Variants in PDE10A observed in about 807,000 individuals in gnomAD.
The protein encoded by PDE10A is cAMP and cAMP-inhibited cGMP 3',5'-cyclic phosphodiesterase 10A.
In PDE10A, 39 loss-of-function variants were observed where a neutral mutation model predicts 97.7. The observed-to-expected ratio is 0.40, with a 90% CI of 0.31 to 0.52. The LOEUF (loss-of-function observed/expected upper bound fraction) is 0.52, where lower values mean the gene tolerates loss of function less well. PDE10A is among the 20% of genes least tolerant of loss of function. The probability of loss-of-function intolerance (pLI) is 0.56; values close to 1 mark genes in which losing one functional copy is unlikely to be tolerated. For synonymous variants in PDE10A, 371 were observed against 376.8 expected, an observed-to-expected ratio of 0.98 and a Z score of 0.18; for missense variants, 731 against 1,047.8, an observed-to-expected ratio of 0.70 and a Z score of 4.17.
intron 1 of PDE10A, among the ~76,000 whole-genome samples, chr6:165,832,795 T>C (rs933619984): frequency 6.6e-6 from 1 of 152,246 alleles, no homozygotes; most frequent in African/African-American, 2.4e-5. Context: ...CAGAGTTTAA[T>C]TGGCAGAATG....
intron 17 of PDE10A, among the ~76,000 whole-genome samples, 181 bp from the exon 18 acceptor site, chr6:165,379,547 T>C (rs970373500): frequency 5.6e-4 from 85 of 152,326 alleles, no homozygotes; most frequent in African/African-American, 1.9e-3. Context: ...TGCGTTTTGG[T>C]TTCTCTTTAA....
intron 1 of PDE10A, among the ~76,000 whole-genome samples, chr6:165,981,335 C>T (rs1466399197): frequency 6.6e-6 from 1 of 152,136 alleles, no homozygotes; most frequent in Admixed American, 6.5e-5. Flanking sequence ...CATTTGGTTC[C>T]TTTGTCAGTT....
At chr6:165,801,009 T>C (rs1192716513) in intron 1 of PDE10A, among the ~76,000 whole-genome samples, 1 of 152,244 alleles carries the variant, frequency 6.6e-6, no homozygotes, top group Non-Finnish European at 1.5e-5. Context: ...AGGCTGATTA[T>C]GAAGGCGTTC....
At chr6:165,488,080 C>G (rs1482882339) in intron 2 of PDE10A, among the ~76,000 whole-genome samples, 6 of 144,720 alleles carry the variant, frequency 4.1e-5, no homozygotes, top group African/African-American at 1.5e-4. Context: ...AATTTTTATG[C>G]AGCATAGGAT....
intron 2 of PDE10A, among the ~76,000 whole-genome samples, chr6:165,541,440 AAAC>A (rs774165502): frequency 2.6e-5 from 4 of 152,256 alleles, no homozygotes; most frequent in Admixed American, 6.5e-5. Flanking sequence ...TTAATATAGA[AAAC>A]AAAGATTTGG....
rs1234068031 is a variant in PDE10A, at chr6:165,691,589, GCGCACACACA to G, written c.-614-148031_-614-148022del. ...TGCCCATGCGCACGCATGCACGCGC[GCGCACACACA>G]CACACACACACACACACACACACAC... is the stretch of plus-strand genomic sequence containing the variant. On this transcript the variant is annotated intron_variant, in intron 1 of 19. Coordinates refer to the PDE10A transcript ENST00000366882. 2.2e-3 allele frequency among the ~76,000 whole-genome samples: 315 copies of G among 144,542 alleles called. 1 individual carries two copies. The highest frequency in any genetic ancestry group is 8.3e-3 in the South Asian group (37 of 4,440). The allele number at this position is 144,542 out of a possible 152,430, so 94.8% of individuals were successfully genotyped here.
intron 1 of PDE10A, among the ~76,000 whole-genome samples, chr6:165,548,741 C>A (rs576980006): frequency 2.0e-4 from 31 of 152,092 alleles, no homozygotes; most frequent in Non-Finnish European, 4.3e-4. Context: ...CATTTATTAG[C>A]TGAAATAATA....
chr6:165,825,804 C>T (rs1212645611), intron 1 of PDE10A, among the ~76,000 whole-genome samples: 3 of 152,206 alleles, frequency 2.0e-5, no homozygotes, highest in Non-Finnish European at 2.9e-5. Context: ...TGTGAATCCT[C>T]AACCCAAAAC....
At chr6:165,765,646 C>G (rs530310276) in intron 1 of PDE10A, among the ~76,000 whole-genome samples, 6 of 152,326 alleles carry the variant, frequency 3.9e-5, no homozygotes, top group Non-Finnish European at 8.8e-5. Context: ...CATGCAGCCC[C>G]GGTTCCTGCT....
chr6:165,778,836 AT>A (rs1023021874), intron 1 of PDE10A, among the ~76,000 whole-genome samples: 7 of 151,888 alleles, frequency 4.6e-5, no homozygotes, highest in East Asian at 3.9e-4. Flanking sequence ...TTGTTGCCCA[AT>A]TTTTTTTAAT....
chr6:165,899,318 T>C (rs965670577), intron 1 of PDE10A, among the ~76,000 whole-genome samples: 4 of 152,188 alleles, frequency 2.6e-5, no homozygotes, highest in African/African-American at 9.7e-5. Context: ...ACTGTTGAGA[T>C]CATGGTACTC....
At chr6:165,858,004 G>T (rs1053546094) in intron 1 of PDE10A, among the ~76,000 whole-genome samples, 29 of 152,126 alleles carry the variant, frequency 1.9e-4, no homozygotes, top group Non-Finnish European at 3.8e-4. Context: ...CTGTTTGTTT[G>T]GAAATAGGGA....
At chr6:165,825,605 C>T (rs1562755665) in intron 1 of PDE10A, among the ~76,000 whole-genome samples, 1 of 152,186 alleles carries the variant, frequency 6.6e-6, no homozygotes, top group Admixed American at 6.5e-5. Flanking sequence ...CAAAGACCAA[C>T]AAAAGCCAAA....
intron 1 of PDE10A, chr6:165,781,155 G>C (rs1396108485): frequency 6.6e-6 from 1 of 152,190 alleles, no homozygotes; most frequent in Non-Finnish European, 1.5e-5. Context: ...CTCTTTGCTC[G>C]TGTCCACTTA....
intron 2 of PDE10A, among the ~76,000 whole-genome samples, chr6:165,494,461 G>GT (rs1780410886): frequency 6.7e-6 from 1 of 148,616 alleles, no homozygotes; most frequent in African/African-American, 2.5e-5. Context: ...AATGTGGGGG[G>GT]GGGTGTGTGT....
chr6:165,361,992 T>C (rs1048056021), intron 18 of PDE10A, among the ~76,000 whole-genome samples: 1 of 152,090 alleles, frequency 6.6e-6, no homozygotes, highest in Admixed American at 6.5e-5. Flanking sequence ...TCCCTTGAGA[T>C]GTATGAAAAT....
intron 1 of PDE10A, among the ~76,000 whole-genome samples, chr6:165,648,459 T>C (rs994886555): frequency 6.6e-6 from 1 of 152,092 alleles, no homozygotes; most frequent in African/African-American, 2.4e-5. Flanking sequence ...TCTCTTTCTA[T>C]ACACGTGCCC....
At chr6:165,894,358 C>T (rs1411715000) in intron 1 of PDE10A, 2 of 456,080 alleles carry the variant, frequency 4.4e-6, no homozygotes, top group Admixed American at 2.3e-5. Flanking sequence ...ACTGAAACTA[C>T]AGAAGGCCTC....
chr6:165,962,710 G>T (rs1025155127), intron 1 of PDE10A, among the ~76,000 whole-genome samples: 1 of 152,222 alleles, frequency 6.6e-6, no homozygotes, highest in Non-Finnish European at 1.5e-5. Context: ...AAACTAGCCA[G>T]CAGAGGCGAA....
Sources: gnomAD v4.1 joint callset for allele counts (sites outside exome capture counted in the v4.1 genomes callset) on GRCh38, gnomAD v4.1.1 for gene constraint, MANE v1.5 for transcripts, NCBI Gene and HGNC (gene_info 2026-07-23, HGNC 2026-07-21) for gene names.